Variants in CLEC18A observed in about 807,000 individuals in gnomAD.
CLEC18A encodes the protein mannose receptor-like 1.
CLEC18A carries 5 observed loss-of-function variants against 24.0 expected under a neutral mutation model. That is an observed-to-expected ratio of 0.21 (90% CI 0.11 to 0.44). The LOEUF (loss-of-function observed/expected upper bound fraction) is 0.44, where lower values mean the gene tolerates loss of function less well. Among genes scored for constraint, CLEC18A ranks in the 20% least tolerant of loss-of-function variants. The probability of loss-of-function intolerance (pLI) is 0.99; values close to 1 mark genes in which losing one functional copy is unlikely to be tolerated. For synonymous variants in CLEC18A, 29 were observed against 100.1 expected (o/e 0.29, Z 4.24); for missense variants, 83 against 233.4 (o/e 0.36, Z 4.20).
At chr16:69,966,307 C>T (rs1383980387), downstream of CLEC18A, among the ~76,000 whole-genome samples, 1 of 147,926 alleles carries the variant, frequency 6.8e-6, no homozygotes, top group Non-Finnish European at 1.5e-5. Flanking sequence ...AGAGCAACTC[C>T]ATCTTGAGTA....
chr16:69,946,392 AT>A (rs56112480), upstream of CLEC18A, among the ~76,000 whole-genome samples: 20 of 84,098 alleles, frequency 2.4e-4, no homozygotes, highest in Admixed American at 8.5e-4. Context: ...ATGTGTATGG[AT>A]TTTTTTTTTT....
At chr16:69,946,205 C>G (rs1157625760), upstream of CLEC18A, among the ~76,000 whole-genome samples, 1 of 122,488 alleles carries the variant, frequency 8.2e-6, no homozygotes, top group South Asian at 2.9e-4. Flanking sequence ...ACCCAGGAGG[C>G]GGAGGTTGCA....
the CLEC18A span, among the ~76,000 whole-genome samples, chr16:69,944,847 A>C: frequency 8.4e-6 from 1 of 118,976 alleles, no homozygotes; most frequent in East Asian, 3.5e-4. Context: ...AAAAAAAGAA[A>C]AAAAAGAATA....
chr16:69,948,362 C>A (rs2058914565), upstream of CLEC18A, among the ~76,000 whole-genome samples: 1 of 42,216 alleles, frequency 2.4e-5, no homozygotes, highest in African/African-American at 1.9e-4. Context: ...CACAACTCTC[C>A]TAGAGTTAAA....
intron 3 of CLEC18A, among the ~76,000 whole-genome samples, chr16:69,956,367 T>G (rs1353364242): frequency 1.0e-5 from 1 of 98,062 alleles, no homozygotes; most frequent in Non-Finnish European, 1.8e-5. Context: ...AATTTTTTTT[T>G]TTTTTTGAGA....
the CLEC18A span, among the ~76,000 whole-genome samples, chr16:69,944,584 A>T: frequency 6.6e-6 from 1 of 151,906 alleles, no homozygotes; most frequent in African/African-American, 2.4e-5. Flanking sequence ...TCATGATTGT[A>T]ATCCCAGCAC....
intron 3 of CLEC18A, among the ~76,000 whole-genome samples, chr16:69,955,129 T>C (rs1259750637): frequency 6.6e-6 from 1 of 152,094 alleles, no homozygotes; most frequent in Non-Finnish European, 1.5e-5. Flanking sequence ...GCCTCACAAG[T>C]AGCTGGGATT....
At chr16:69,946,423 T>A (rs1250743670), upstream of CLEC18A, among the ~76,000 whole-genome samples, 1 of 121,312 alleles carries the variant, frequency 8.2e-6, no homozygotes, top group Admixed American at 9.8e-5. Flanking sequence ...TTTTTGAGAA[T>A]GAGTCACTCT....
chr16:69,944,970 G>A, the CLEC18A span, among the ~76,000 whole-genome samples: 18 of 142,400 alleles, frequency 1.3e-4, no homozygotes, highest in East Asian at 1.9e-3. Flanking sequence ...GCAAGACCCC[G>A]TCTCTACCAA....
chr16:69,964,569 C>T (rs58438774), downstream of CLEC18A: 3 of 145,288 alleles, frequency 2.1e-5, no homozygotes, highest in South Asian at 2.2e-4. Flanking sequence ...GCACGATCTC[C>T]GCTCACTGCA....
At chr16:69,944,693 G>T in the CLEC18A span, among the ~76,000 whole-genome samples, 119 of 148,310 alleles carry the variant, frequency 8.0e-4, no homozygotes, top group African/African-American at 2.8e-3. Flanking sequence ...AAAGTTAGCC[G>T]GGTGTGGTGG....
chr16:69,953,104 A>C lies in CLEC18A; in HGVS notation c.216+978A>C, dbSNP rs1428372843. The C allele has an allele frequency of 3.3e-5, 5 of 151,808 alleles. No individual in the cohort carries two copies. The East Asian group carries it at 5.8e-4, about 18-fold the overall frequency. The allele number at this position is 151,808 out of a possible 1,614,324, so 9.4% of individuals were successfully genotyped here. On this transcript the variant is annotated intron_variant, in intron 2 of 11. Transcript: ENST00000288040. ...ACCCTTTCCAGGGCCCTTTTGTCAA[A>C]GTCCTAGAAAACTTCATTTCCGTAA...
At position 69,954,527 on chromosome 16, in the gene CLEC18A, C is replaced by T. The variant is rs140422967; in HGVS notation, c.410C>T (p.Ala137Val). 1.4e-4 allele frequency: 229 copies of T among 1,612,656 alleles called. No individual in the cohort carries two copies. Among genetic ancestry groups the T allele is most frequent in the Middle Eastern group, 3.5e-4 (2 of 5,680 alleles). ...WFAEGQRYSHAAGECARNATC... is the reference protein window; with the variant it reads ...WFAEGQRYSHVAGECARNATC... ...GCAGAGGGGCAGCGGTACAGCCACG[C>T]GGCAGGAGAGTGTGCTCGCAACGCC... Residue 137 changes from alanine (A) to valine (V), a missense_variant, in exon 3 of 12, where the codon GCG (alanine) becomes GTG (valine). This residue lies in a region of CLEC18A where 71 missense variants were observed against 107.4 expected (regional missense o/e 0.66). Coordinates refer to ENST00000288040, the MANE Select transcript of CLEC18A (RefSeq NM_001370523.4).
upstream of CLEC18A, among the ~76,000 whole-genome samples, chr16:69,950,152 C>CATCCCT (rs1376230294): frequency 1.6e-5 from 2 of 123,798 alleles, no homozygotes; most frequent in African/African-American, 5.1e-5. Flanking sequence ...GCCTCATCCC[C>CATCCCT]ATCCCTGGCA....
At chr16:69,956,587 T>G (rs2059039172) in intron 3 of CLEC18A, among the ~76,000 whole-genome samples, 1 of 54,290 alleles carries the variant, frequency 1.8e-5, no homozygotes, top group Admixed American at 1.8e-4. Flanking sequence ...CTTGATCTCC[T>G]GACCTCATGA....
In CLEC18A at chr16:69,956,600, C is replaced by T. The variant is rs539098228; in HGVS notation, c.456+2027C>T. On this transcript the variant is annotated intron_variant, in intron 3 of 11. Transcript: ENST00000288040. ...GTCTTGATCTCCTGACCTCATGATC[C>T]GCCTGCCTTGGCCTCCCAGAGTGCT... 4.5e-3 allele frequency among the ~76,000 whole-genome samples: 238 copies of T among 52,594 alleles called. 7 individuals carry two copies. The highest frequency in any genetic ancestry group is 4.4e-3 in the Non-Finnish European group (140 of 32,020). The allele number at this position is 52,594 out of a possible 152,430, so 34.5% of individuals were successfully genotyped here.
At chr16:69,950,479 G>A (rs1462502269), upstream of CLEC18A, among the ~76,000 whole-genome samples, 76 of 109,998 alleles carry the variant, frequency 6.9e-4, 10 homozygotes, top group South Asian at 0.013. Context: ...CGCCAGCCAC[G>A]GCCGGGCCAC....
intron 3 of CLEC18A, 118 bp downstream of exon 3, chr16:69,954,691 T>A: frequency 6.7e-7 from 1 of 1,499,518 alleles, no homozygotes; most frequent in Non-Finnish European, 8.9e-7. Context: ...CTCCAATTGG[T>A]TTAGTTTTAC....
chr16:69,945,580 T>C, the CLEC18A span, among the ~76,000 whole-genome samples: 10 of 152,398 alleles, frequency 6.6e-5, no homozygotes, highest in East Asian at 1.9e-3. Flanking sequence ...GCTCAAGGGA[T>C]CCTCTTGCCT....
Sources: allele counts gnomAD v4.1 joint callset (sites outside exome capture counted in the v4.1 genomes callset), GRCh38; gene constraint gnomAD v4.1.1; regional missense constraint gnomAD v4.1.1; transcripts MANE v1.5; gene names NCBI Gene and HGNC (gene_info 2026-07-23, HGNC 2026-07-21).